KANSL1L: variants seen among roughly 807,000 people sequenced by gnomAD.
KANSL1L encodes KAT8 regulatory NSL complex subunit 1-like protein.
In KANSL1L, 25 loss-of-function variants were observed where a neutral mutation model predicts 108.6. The ratio of observed to expected loss-of-function variants is 0.23; its 90% confidence interval spans 0.17 to 0.32. KANSL1L has a LOEUF of 0.32. Among genes scored for constraint, KANSL1L ranks in the 10% least tolerant of loss-of-function variants. The pLI, the probability that KANSL1L is intolerant of heterozygous loss-of-function variation, is 1.00. For missense variants in KANSL1L, 1,137 were observed against 1,125.7 expected (o/e 1.01, Z -0.14); for synonymous variants, 405 against 395.1 (o/e 1.03, Z -0.30).
At chr2:210,061,230 T>C (rs1249810114) in intron 6 of KANSL1L, among the ~76,000 whole-genome samples, 1 of 152,214 alleles carries the variant, frequency 6.6e-6, no homozygotes, top group South Asian at 2.1e-4. Context: ...TATAAACAAT[T>C]TGTATGTCCA....
intron 5 of KANSL1L, among the ~76,000 whole-genome samples, chr2:210,084,417 C>T (rs182139260): frequency 2.0e-5 from 3 of 152,036 alleles, no homozygotes; most frequent in Non-Finnish European, 2.9e-5. Context: ...AGCGAGACTC[C>T]GTCTTAGAAA....
chr2:210,110,406 A>T (rs1357383154), intron 3 of KANSL1L, among the ~76,000 whole-genome samples: 2 of 152,182 alleles, frequency 1.3e-5, no homozygotes, highest in Admixed American at 6.5e-5. Flanking sequence ...CAGTTTTGCT[A>T]ACTTCGTAAG....
intron 3 of KANSL1L, among the ~76,000 whole-genome samples, chr2:210,108,167 C>A (rs1424651271): frequency 6.6e-6 from 1 of 152,064 alleles, no homozygotes; most frequent in Non-Finnish European, 1.5e-5. Flanking sequence ...ATATAAACAA[C>A]TAAACACTTT....
chr2:210,027,580 C>T (rs2093954921), intron 11 of KANSL1L, among the ~76,000 whole-genome samples: 1 of 152,122 alleles, frequency 6.6e-6, no homozygotes, highest in African/African-American at 2.4e-5. Flanking sequence ...TTCTGTATAG[C>T]TGCATTTTAT....
chr2:210,112,254 C>T (rs2094913544), intron 3 of KANSL1L, among the ~76,000 whole-genome samples: 1 of 152,118 alleles, frequency 6.6e-6, no homozygotes, highest in South Asian at 2.1e-4. Context: ...AAAGGATTCC[C>T]TCTTTAATAA....
intron 5 of KANSL1L, among the ~76,000 whole-genome samples, chr2:210,095,066 G>C (rs1478336832): frequency 6.6e-6 from 1 of 151,978 alleles, no homozygotes; most frequent in Non-Finnish European, 1.5e-5. Flanking sequence ...TCAGAAACAA[G>C]TGCATCCACA....
chr2:210,058,538 A>C (rs2094382263), intron 6 of KANSL1L, among the ~76,000 whole-genome samples: 1 of 151,914 alleles, frequency 6.6e-6, no homozygotes, highest in Admixed American at 6.6e-5. Flanking sequence ...CACTAATAAA[A>C]ACTTGCTGCT....
At chr2:210,135,943 A>C (rs943742235) in intron 2 of KANSL1L, among the ~76,000 whole-genome samples, 4 of 152,074 alleles carry the variant, frequency 2.6e-5, no homozygotes, top group African/African-American at 7.3e-5. Context: ...TACACACACA[A>C]TATAGACACA....
chr2:210,037,504 C>G (rs1192859012), intron 8 of KANSL1L, among the ~76,000 whole-genome samples: 2 of 152,138 alleles, frequency 1.3e-5, no homozygotes, highest in African/African-American at 4.8e-5. Flanking sequence ...AGGCTTTTCC[C>G]CCTAAGCATA....
At chr2:210,073,148 T>A (rs1316899072) in intron 6 of KANSL1L, among the ~76,000 whole-genome samples, 2 of 152,178 alleles carry the variant, frequency 1.3e-5, no homozygotes, top group Non-Finnish European at 2.9e-5. Flanking sequence ...ATCATTTTTT[T>A]AAACACTTCC....
At chr2:210,119,204 A>G (rs2125499664) in intron 3 of KANSL1L, among the ~76,000 whole-genome samples, 1 of 152,134 alleles carries the variant, frequency 6.6e-6, no homozygotes. Context: ...AAAAAAAGAA[A>G]AAAAAAGAAA....
intron 3 of KANSL1L, among the ~76,000 whole-genome samples, chr2:210,104,748 A>T (rs1167996925): frequency 1.3e-5 from 2 of 152,138 alleles, no homozygotes; most frequent in Non-Finnish European, 2.9e-5. Flanking sequence ...ATTTACAAAC[A>T]TCCAAACAAC....
chr2:210,058,311 C>T (rs1196807538), intron 6 of KANSL1L, among the ~76,000 whole-genome samples: 1 of 151,996 alleles, frequency 6.6e-6, no homozygotes, highest in Non-Finnish European at 1.5e-5. Context: ...AATTTTGGTC[C>T]GACTGGTTGT....
intron 3 of KANSL1L, among the ~76,000 whole-genome samples, chr2:210,117,373 A>G (rs1458349957): frequency 6.6e-6 from 1 of 152,182 alleles, no homozygotes; most frequent in African/African-American, 2.4e-5. Flanking sequence ...CTACAGTAAG[A>G]TGCCAATATT....
chr2:210,035,297 A>C (rs1005952307), intron 8 of KANSL1L: 1 of 152,172 alleles, frequency 6.6e-6, no homozygotes, highest in Non-Finnish European at 1.5e-5. Context: ...TGATTAAACT[A>C]GTCATCCATT....
chr2:210,153,916 G>A lies in KANSL1L; in HGVS notation c.667C>T (p.Arg223Cys), dbSNP rs759250532. 3.7e-6 allele frequency: 6 copies of A among 1,613,126 alleles called. No individual in the cohort carries two copies. Among genetic ancestry groups the A allele is most frequent in the Admixed American group, 1.7e-5 (1 of 59,928 alleles). The change falls in exon 2 of 15, where the codon CGT becomes TGT. Residue 223 changes from arginine (R) to cysteine (C), a missense_variant. By Grantham distance (180) the Arg-to-Cys change is radical (BLOSUM62 -3). Coordinates refer to ENST00000281772, the MANE Select transcript of KANSL1L (RefSeq NM_152519.4). The part of the protein sequence containing the change: ...AAEKEEEVHA[R>C]LLHCVSKQKI... ...TGTTTGCTTACACAATGAAGTAAAC[G>A]AGCATGTACTTCCTCCTCTTTTTCA...
chr2:210,075,526 T>C (rs962342433), intron 6 of KANSL1L, 26 bp downstream of exon 6: 1 of 1,478,826 alleles, frequency 6.8e-7, no homozygotes, highest in Non-Finnish European at 9.4e-7. Flanking sequence ...TCTTTGATCA[T>C]GTTTTCTTCC....
At chr2:210,094,828 A>T (rs969861004) in intron 5 of KANSL1L, among the ~76,000 whole-genome samples, 2 of 142,000 alleles carry the variant, frequency 1.4e-5, no homozygotes, top group African/African-American at 2.8e-5. Flanking sequence ...TTAAGGGATT[A>T]AAAAAAAAAA....
At position 210,104,402 on chromosome 2, in the gene KANSL1L, T is replaced by C. The variant is rs1373074605; in HGVS notation, c.1231-101A>G. 1.4e-5 allele frequency: 11 copies of C among 787,958 alleles called. No individual in the cohort carries two copies. The East Asian group carries it at 2.7e-4, about 19-fold the overall frequency. The allele number at this position is 787,958 out of a possible 1,614,324, so 48.8% of individuals were successfully genotyped here. A position where few individuals can be genotyped will look rare whatever the true frequency, so the allele number is the denominator to read the frequency against. ...TGAATCTATGCTTCCACTTATCTCT[T>C]GGAATTCAGAAAATATAAACTTGAT... On this transcript the variant is annotated intron_variant, in intron 3 of 14. Transcript: ENST00000281772.
Sources: allele counts gnomAD v4.1 joint callset (sites outside exome capture counted in the v4.1 genomes callset), GRCh38; gene constraint gnomAD v4.1.1; transcripts MANE v1.5; gene names NCBI Gene and HGNC (gene_info 2026-07-23, HGNC 2026-07-21).